TNNI3K: variants seen among roughly 807,000 people sequenced by gnomAD.
The protein encoded by TNNI3K is TNNI3 interacting kinase, also known as serine/threonine-protein kinase TNNI3K.
A neutral mutation model predicts 114.5 loss-of-function variants in TNNI3K; 140 were observed. That is an observed-to-expected ratio of 1.22 (90% CI 1.07 to 1.41). TNNI3K has a LOEUF of 1.41. Among genes scored for constraint, TNNI3K ranks in the 40% most tolerant of loss-of-function variants. The probability of loss-of-function intolerance (pLI) is 0.00; values close to 1 mark genes in which losing one functional copy is unlikely to be tolerated. For synonymous variants in TNNI3K, 347 were observed against 347.5 expected (o/e 1.00, Z 0.02); for missense variants, 1,125 against 1,007.6 (o/e 1.12, Z -1.58).
chr1:74,539,815 T>C (rs1443090956), intron 23 of TNNI3K, among the ~76,000 whole-genome samples: 3 of 151,926 alleles, frequency 2.0e-5, no homozygotes, highest in African/African-American at 7.3e-5. Context: ...TATATCTTAT[T>C]ATCATAAAAA....
intron 2 of TNNI3K, among the ~76,000 whole-genome samples, chr1:74,247,689 C>T (rs1654662560): frequency 6.6e-6 from 1 of 152,078 alleles, no homozygotes; most frequent in African/African-American, 2.4e-5. Context: ...CTCCAAGTCC[C>T]CACCAGATTA....
At chr1:74,245,239 G>C (rs564965806) in intron 2 of TNNI3K, among the ~76,000 whole-genome samples, 1 of 152,262 alleles carries the variant, frequency 6.6e-6, no homozygotes, top group South Asian at 2.1e-4. Flanking sequence ...CTTGTACTCT[G>C]ACTGGGTCAG....
chr1:74,521,970 T>C (rs1436415711), intron 23 of TNNI3K, among the ~76,000 whole-genome samples: 2 of 152,162 alleles, frequency 1.3e-5, no homozygotes, highest in African/African-American at 4.8e-5. Flanking sequence ...TCTAAACAGG[T>C]AACTGAGATC....
intron 5 of TNNI3K, among the ~76,000 whole-genome samples, chr1:74,296,291 C>T (rs887365116): frequency 6.6e-6 from 1 of 150,978 alleles, no homozygotes; most frequent in African/African-American, 2.4e-5. Flanking sequence ...AAAAAAAAAT[C>T]TGATATAACA....
intron 5 of TNNI3K, among the ~76,000 whole-genome samples, chr1:74,272,382 G>A (rs1656406145): frequency 6.6e-6 from 1 of 151,698 alleles, no homozygotes; most frequent in Admixed American, 6.6e-5. Context: ...AGAGAGAAGG[G>A]GGCACTATTT....
chr1:74,347,516 A>C (rs1337241071), intron 9 of TNNI3K, among the ~76,000 whole-genome samples: 1 of 152,178 alleles, frequency 6.6e-6, no homozygotes, highest in Non-Finnish European at 1.5e-5. Flanking sequence ...GTATATACCC[A>C]GTAATGGGAT....
intron 5 of TNNI3K, among the ~76,000 whole-genome samples, chr1:74,304,660 G>C (rs1658519586): frequency 6.6e-6 from 1 of 151,986 alleles, no homozygotes; most frequent in Admixed American, 6.6e-5. Context: ...TCCCGGGCTT[G>C]TCTCAAACTT....
chr1:74,436,487 A>G lies in TNNI3K; in HGVS notation c.1839A>G (p.Leu613=), dbSNP rs45502596. 2.4e-4 allele frequency: 385 copies of G among 1,584,402 alleles called. 1 individual carries two copies. The African/African-American group carries it at 4.7e-3, about 19-fold the overall frequency. The part of the protein sequence containing the change: ...VVADFGESRF[L]QSLDEDNMTK... ...TCTTTCCCTCAGAATCAAGATTTCT[A>G]CAGTCTCTGGATGAAGACAACATGA... The change falls in exon 19 of 25, where the codon CTA becomes CTG. Residue 613 remains leucine (L), a synonymous_variant. Coordinates refer to ENST00000326637, the MANE Select transcript of TNNI3K (RefSeq NM_015978.3).
intron 5 of TNNI3K, among the ~76,000 whole-genome samples, chr1:74,284,749 A>G (rs751511660): frequency 2.6e-5 from 4 of 152,192 alleles, no homozygotes; most frequent in Non-Finnish European, 5.9e-5. Context: ...TTGTGTGAAA[A>G]ATCAGACCTT....
chr1:74,529,813 C>T (rs1646556869), intron 23 of TNNI3K, among the ~76,000 whole-genome samples: 1 of 152,042 alleles, frequency 6.6e-6, no homozygotes, highest in African/African-American at 2.4e-5. Flanking sequence ...CATTTGATTC[C>T]AAAGTCTTTG....
chr1:74,502,932 G>C (rs1669709109), intron 23 of TNNI3K, among the ~76,000 whole-genome samples: 1 of 152,184 alleles, frequency 6.6e-6, no homozygotes, highest in South Asian at 2.1e-4. Flanking sequence ...ACCAATCAGA[G>C]CACATAAAAG....
chr1:74,346,484 A>T (rs1298549492), intron 9 of TNNI3K, among the ~76,000 whole-genome samples: 5 of 152,042 alleles, frequency 3.3e-5, no homozygotes, highest in African/African-American at 1.2e-4. Context: ...AGCAGTTGAT[A>T]AAAAACACTG....
chr1:74,538,600 A>G (rs555542993), intron 23 of TNNI3K, among the ~76,000 whole-genome samples: 4 of 152,280 alleles, frequency 2.6e-5, no homozygotes, highest in African/African-American at 9.6e-5. Flanking sequence ...GTGATGTGAT[A>G]GAGAGTGGCC....
intron 23 of TNNI3K, among the ~76,000 whole-genome samples, chr1:74,493,599 T>A (rs983697104): frequency 2.6e-5 from 4 of 152,220 alleles, no homozygotes; most frequent in Non-Finnish European, 5.9e-5. Flanking sequence ...AATTCAGGGA[T>A]ATACAATCAT....
chr1:74,343,058 A>G lies in TNNI3K; in HGVS notation c.828-17A>G, dbSNP rs1660829083. On this transcript the variant is annotated splice_polypyrimidine_tract_variant and intron_variant, in intron 8 of 24. Coordinates refer to ENST00000326637, the MANE Select transcript of TNNI3K (RefSeq NM_015978.3). ...TACTTGCTTACAATATTAACAAGATATTTTCTTCAAATCTAGGGCATGCTA... is the reference window on the plus strand; with the variant it reads ...TACTTGCTTACAATATTAACAAGATGTTTTCTTCAAATCTAGGGCATGCTA... 2.5e-6 allele frequency: 4 copies of G among 1,613,084 alleles called. No individual in the cohort carries two copies. Among genetic ancestry groups the G allele is most frequent in the African/African-American group, 1.3e-5 (1 of 74,938 alleles).
At chr1:74,314,867 G>C (rs1290122009) in intron 5 of TNNI3K, among the ~76,000 whole-genome samples, 1 of 152,052 alleles carries the variant, frequency 6.6e-6, no homozygotes, top group East Asian at 1.9e-4. Flanking sequence ...TAGAGCTTAG[G>C]AAAATGATTT....
intron 23 of TNNI3K, among the ~76,000 whole-genome samples, chr1:74,512,903 T>TAAAA: frequency 6.6e-6 from 1 of 152,246 alleles, no homozygotes; most frequent in Admixed American, 6.5e-5. Flanking sequence ...GGTCACTATG[T>TAAAA]GATCACCTAA....
At chr1:74,517,892 T>G (rs1443510656) in intron 23 of TNNI3K, among the ~76,000 whole-genome samples, 1 of 152,166 alleles carries the variant, frequency 6.6e-6, no homozygotes, top group Non-Finnish European at 1.5e-5. Context: ...ACATTTGAAT[T>G]TCTAACCAGT....
chr1:74,375,616 A>G (rs1355460081), intron 17 of TNNI3K: 4 of 455,054 alleles, frequency 8.8e-6, no homozygotes, highest in Non-Finnish European at 1.8e-5. Context: ...AAACTGGGTC[A>G]TCTGGTCTCC....
Sources: allele counts gnomAD v4.1 joint callset (sites outside exome capture counted in the v4.1 genomes callset), GRCh38; gene constraint gnomAD v4.1.1; transcripts MANE v1.5; gene names NCBI Gene and HGNC (gene_info 2026-07-23, HGNC 2026-07-21).